Variants in CDK19 observed in about 807,000 individuals in gnomAD.
The protein encoded by CDK19 is cyclin-dependent kinase 19.
In CDK19, 20 loss-of-function variants were observed where a neutral mutation model predicts 68.3. The observed-to-expected ratio is 0.29, with a 90% CI of 0.21 to 0.43. The LOEUF (loss-of-function observed/expected upper bound fraction) is 0.43. CDK19 is among the 20% of genes least tolerant of loss of function. The probability of loss-of-function intolerance (pLI) is 1.00; values close to 1 mark genes in which losing one functional copy is unlikely to be tolerated. For missense variants in CDK19, 339 were observed against 623.5 expected (o/e 0.54, Z 4.86); for synonymous variants, 221 against 222.8 (o/e 0.99, Z 0.07).
chr6:110,675,030 C>T (rs1771373316), intron 2 of CDK19, among the ~76,000 whole-genome samples: 1 of 152,058 alleles, frequency 6.6e-6, no homozygotes, highest in African/African-American at 2.4e-5. Flanking sequence ...GTTCATGAGG[C>T]TTAAGGAGAG....
chr6:110,737,273 A>G (rs1473883601), intron 2 of CDK19, among the ~76,000 whole-genome samples: 4 of 152,216 alleles, frequency 2.6e-5, no homozygotes, highest in East Asian at 1.9e-4. Flanking sequence ...AGCAAAGCTG[A>G]TATCTTTTTT....
intron 1 of CDK19, among the ~76,000 whole-genome samples, chr6:110,780,288 A>G (rs1178390527): frequency 6.6e-6 from 1 of 150,462 alleles, no homozygotes; most frequent in Admixed American, 6.6e-5. Flanking sequence ...TGCTCGGGAG[A>G]CTGAGGCAGA....
intron 2 of CDK19, among the ~76,000 whole-genome samples, chr6:110,681,399 T>G (rs1200903484): frequency 6.6e-6 from 1 of 152,234 alleles, no homozygotes; most frequent in Non-Finnish European, 1.5e-5. Context: ...TAGTTATTTC[T>G]GGGTGTGAGA....
chr6:110,766,949 C>G (rs1779634735), intron 1 of CDK19, among the ~76,000 whole-genome samples: 1 of 151,074 alleles, frequency 6.6e-6, no homozygotes, highest in African/African-American at 2.4e-5. Context: ...GCCTGGCCAA[C>G]ATGGTGAAAC....
At chr6:110,780,488 T>G (rs1780730944) in intron 1 of CDK19, among the ~76,000 whole-genome samples, 2 of 152,112 alleles carry the variant, frequency 1.3e-5, no homozygotes, top group South Asian at 4.1e-4. Flanking sequence ...GAATTTATTT[T>G]TTTTTATTTA....
At chr6:110,628,391 C>T (rs1390933887) in intron 6 of CDK19, among the ~76,000 whole-genome samples, 3 of 152,216 alleles carry the variant, frequency 2.0e-5, no homozygotes, top group East Asian at 1.9e-4. Context: ...CACTGCAGTT[C>T]GAAAATATTA....
rs76714381 is a variant in CDK19, at chr6:110,661,690, C to T, written c.456+5744G>A. Reference sequence around the variant, plus strand: ...TGGCAAGGTTTTTTGTTACTTCATTCGGATAGACCTCTAATAGAATAAGTT... The same window carrying T: ...TGGCAAGGTTTTTTGTTACTTCATTTGGATAGACCTCTAATAGAATAAGTT... On this transcript the variant is annotated intron_variant, in intron 4 of 12. Transcript: ENST00000368911. 5.2e-3 allele frequency among the ~76,000 whole-genome samples: 790 copies of T among 152,190 alleles called. 6 individuals are homozygous for T. Among genetic ancestry groups the T allele is most frequent in the African/African-American group, 0.018 (763 of 41,514 alleles).
At position 110,611,597 on chromosome 6, in the gene CDK19, C is replaced by T. The variant is rs989685056; in HGVS notation, c.*2938G>A. On this transcript the variant is annotated 3_prime_UTR_variant, in exon 13 of 13. Transcript: ENST00000368911. ...GGTGAGGAATTCAAGACCAGCCTGA[C>T]CAATAGGGTGAAACCCCATCTCTAC... 4 of 152,258 alleles carry T rather than the reference C, an allele frequency of 2.6e-5. No individual in the cohort carries two copies. The highest frequency in any genetic ancestry group is 4.4e-5 in the Non-Finnish European group (3 of 68,120). 9.4% of individuals were successfully genotyped at this position (152,258 alleles called of 1,614,324 possible).
At chr6:110,719,773 C>T (rs968221568) in intron 2 of CDK19, among the ~76,000 whole-genome samples, 1 of 152,136 alleles carries the variant, frequency 6.6e-6, no homozygotes, top group Non-Finnish European at 1.5e-5. Flanking sequence ...CTCTGTCACA[C>T]AGGCTGGGGT....
At chr6:110,795,905 T>C (rs1220405151) in intron 1 of CDK19, among the ~76,000 whole-genome samples, 2 of 152,204 alleles carry the variant, frequency 1.3e-5, no homozygotes, top group Non-Finnish European at 2.9e-5. Flanking sequence ...TTAAACTCAT[T>C]CACAGAACCC....
chr6:110,808,190 G>A (rs1027130306), intron 1 of CDK19, among the ~76,000 whole-genome samples: 1 of 152,182 alleles, frequency 6.6e-6, no homozygotes. Context: ...AGTCCAATGT[G>A]ATAGCTACTA....
chr6:110,773,228 C>A (rs541718524), intron 1 of CDK19, among the ~76,000 whole-genome samples: 1 of 151,836 alleles, frequency 6.6e-6, no homozygotes, highest in Non-Finnish European at 1.5e-5. Flanking sequence ...GTCTGTAGTT[C>A]CAGCTACTTG....
intron 1 of CDK19, among the ~76,000 whole-genome samples, chr6:110,755,361 G>C (rs912235280): frequency 6.6e-5 from 10 of 152,102 alleles, no homozygotes; most frequent in Admixed American, 3.3e-4. Context: ...TTTATACAGA[G>C]AGACACACAA....
At chr6:110,654,402 ATAG>A (rs1387663417) in intron 4 of CDK19, among the ~76,000 whole-genome samples, 1 of 152,214 alleles carries the variant, frequency 6.6e-6, no homozygotes, top group Non-Finnish European at 1.5e-5. Flanking sequence ...CATTGATTAG[ATAG>A]TAGATGATTT....
intron 1 of CDK19, among the ~76,000 whole-genome samples, chr6:110,787,932 C>T (rs957175028): frequency 2.6e-5 from 4 of 152,172 alleles, no homozygotes; most frequent in Non-Finnish European, 4.4e-5. Flanking sequence ...TTCTGCCTCC[C>T]GGGTTCAAAT....
At chr6:110,760,910 T>G (rs1238261992) in intron 1 of CDK19, among the ~76,000 whole-genome samples, 1 of 152,168 alleles carries the variant, frequency 6.6e-6, no homozygotes, top group East Asian at 1.9e-4. Context: ...AGTCTGTGCT[T>G]TAATCGCTAT....
At chr6:110,793,577 A>G (rs1781739937) in intron 1 of CDK19, among the ~76,000 whole-genome samples, 1 of 152,234 alleles carries the variant, frequency 6.6e-6, no homozygotes, top group South Asian at 2.1e-4. Context: ...ACTGCTTAAC[A>G]TTAACTCAAA....
chr6:110,785,484 G>A (rs802661), intron 1 of CDK19, among the ~76,000 whole-genome samples: 1 of 152,134 alleles, frequency 6.6e-6, no homozygotes, highest in East Asian at 1.9e-4. Context: ...AAGAAAATGC[G>A]AAGGAAACCA....
At chr6:110,726,069 A>T (rs945944805) in intron 2 of CDK19, among the ~76,000 whole-genome samples, 1 of 152,164 alleles carries the variant, frequency 6.6e-6, no homozygotes, top group Non-Finnish European at 1.5e-5. Flanking sequence ...TACCATTTTT[A>T]AAACACCAGT....
Sources: allele counts gnomAD v4.1 joint callset (sites outside exome capture counted in the v4.1 genomes callset), GRCh38; gene constraint gnomAD v4.1.1; transcripts MANE v1.5; gene names NCBI Gene and HGNC (gene_info 2026-07-23, HGNC 2026-07-21).